The following SUGCT variants were observed in gnomAD, a reference collection of about 807,000 sequenced individuals.
The protein encoded by SUGCT is succinyl-CoA:glutarate-CoA transferase, also known as succinyl-CoA:glutarate CoA-transferase.
A neutral mutation model predicts 55.0 loss-of-function variants in SUGCT; 41 were observed. The observed-to-expected ratio is 0.74, with a 90% CI of 0.58 to 0.97. The LOEUF (loss-of-function observed/expected upper bound fraction) is 0.97. SUGCT is among the 50% of genes least tolerant of loss of function. The pLI, the probability that SUGCT is intolerant of heterozygous loss-of-function variation, is 0.00. For missense variants in SUGCT, 568 were observed against 547.8 expected (o/e 1.04, Z -0.37); for synonymous variants, 187 against 200.4 (o/e 0.93, Z 0.56).
intron 6 of SUGCT, among the ~76,000 whole-genome samples, chr7:40,200,384 T>G (rs1392984382): frequency 1.3e-5 from 2 of 152,052 alleles, no homozygotes; most frequent in African/African-American, 4.8e-5. Flanking sequence ...TGGTGGAGAT[T>G]AACAGAGGAG....
At chr7:40,865,151 C>G (rs1046749411), downstream of SUGCT, among the ~76,000 whole-genome samples, 3 of 151,864 alleles carry the variant, frequency 2.0e-5, no homozygotes, top group African/African-American at 7.3e-5. Flanking sequence ...CCAACCCCCC[C>G]TCCTCCTCTC....
chr7:40,390,815 C>T (rs1785384741), intron 9 of SUGCT, among the ~76,000 whole-genome samples: 1 of 152,084 alleles, frequency 6.6e-6, no homozygotes, highest in South Asian at 2.1e-4. Flanking sequence ...AAAAAGAGCC[C>T]ACATTGCCAA....
At chr7:40,497,835 G>A (rs922020889) in intron 12 of SUGCT, among the ~76,000 whole-genome samples, 7 of 151,718 alleles carry the variant, frequency 4.6e-5, no homozygotes, top group Non-Finnish European at 1.0e-4. Flanking sequence ...AGGCACCAAA[G>A]CAAAGAGTTA....
chr7:40,454,477 T>C (rs191134928), intron 10 of SUGCT, among the ~76,000 whole-genome samples: 96 of 152,298 alleles, frequency 6.3e-4, no homozygotes, highest in African/African-American at 2.2e-3. Flanking sequence ...TATAGCCTGC[T>C]ACACACATAG....
In SUGCT at chr7:40,749,944, A is replaced by G. The variant is rs995053937; in HGVS notation, c.1153+447A>G. Among the ~76,000 whole-genome samples, 4 of 152,198 alleles carry G rather than the reference A, an allele frequency of 2.6e-5. No homozygotes were observed. The South Asian group carries it at 6.2e-4, about 24-fold the overall frequency. On this transcript the variant is annotated intron_variant, in intron 13 of 13. Transcript: ENST00000335693. ...CATTTTCTTTCAGAACCGTGGTTTA[A>G]GGTGTGGATCTTGGCTTTACAGAAC...
chr7:40,269,580 C>T (rs1313872157), intron 7 of SUGCT, among the ~76,000 whole-genome samples: 1 of 152,152 alleles, frequency 6.6e-6, no homozygotes, highest in Non-Finnish European at 1.5e-5. Context: ...GCTTCAGCCT[C>T]CCAAAGTGCT....
chr7:40,189,641 AG>A (rs1204036292), intron 5 of SUGCT, 47 bp downstream of exon 5: 3 of 1,094,936 alleles, frequency 2.7e-6, no homozygotes, highest in Non-Finnish European at 3.8e-6. Context: ...GGTTATAATT[AG>A]GGTTTGGAAT....
intron 9 of SUGCT, among the ~76,000 whole-genome samples, chr7:40,399,453 T>G (rs1484118267): frequency 6.6e-6 from 1 of 152,176 alleles, no homozygotes; most frequent in Non-Finnish European, 1.5e-5. Flanking sequence ...ATAGAACTAC[T>G]CTCAAACCAG....
intron 12 of SUGCT, among the ~76,000 whole-genome samples, chr7:40,549,027 A>C (rs1795161102): frequency 6.6e-6 from 1 of 152,116 alleles, no homozygotes; most frequent in African/African-American, 2.4e-5. Context: ...TCTATATTCA[A>C]GTGGGCATAC....
chr7:40,165,985 G>A (rs1330786325), intron 1 of SUGCT, among the ~76,000 whole-genome samples: 1 of 152,164 alleles, frequency 6.6e-6, no homozygotes, highest in Admixed American at 6.6e-5. Context: ...TGCTGGATGT[G>A]GTGGCACACG....
the SUGCT span, among the ~76,000 whole-genome samples, chr7:41,030,404 C>T: frequency 2.0e-5 from 3 of 152,090 alleles, no homozygotes; most frequent in Non-Finnish European, 4.4e-5. Flanking sequence ...GTTCATTTAA[C>T]CCTTCTGATT....
At chr7:40,603,720 A>G (rs1040658417) in intron 12 of SUGCT, among the ~76,000 whole-genome samples, 10 of 152,122 alleles carry the variant, frequency 6.6e-5, no homozygotes, top group African/African-American at 2.2e-4. Context: ...CTTATTTGGT[A>G]TGTCCTGCTT....
chr7:40,859,082 GA>G (rs201150719), intron 13 of SUGCT, among the ~76,000 whole-genome samples: 2 of 151,194 alleles, frequency 1.3e-5, no homozygotes, highest in East Asian at 1.9e-4. Flanking sequence ...GAGAAAGCCA[GA>G]AAAAAAAATT....
chr7:40,560,537 C>T (rs1795781961), intron 12 of SUGCT, among the ~76,000 whole-genome samples: 1 of 152,160 alleles, frequency 6.6e-6, no homozygotes, highest in Admixed American at 6.5e-5. Context: ...ACTTCTGGAA[C>T]ATCTTTTAGG....
intron 12 of SUGCT, among the ~76,000 whole-genome samples, chr7:40,556,655 C>A (rs1021427179): frequency 1.3e-5 from 2 of 152,192 alleles, no homozygotes; most frequent in Admixed American, 1.3e-4. Flanking sequence ...ACTTAGTGGC[C>A]ATGTGACTTT....
chr7:41,000,842 A>C, the SUGCT span, among the ~76,000 whole-genome samples: 1 of 152,288 alleles, frequency 6.6e-6, no homozygotes, highest in South Asian at 2.1e-4. Context: ...GAGGCACAAC[A>C]TATTTTTAAG....
chr7:40,142,753 A>G (rs1455270924), intron 1 of SUGCT, among the ~76,000 whole-genome samples: 2 of 152,202 alleles, frequency 1.3e-5, no homozygotes, highest in Non-Finnish European at 2.9e-5. Context: ...AAGGTACAAC[A>G]TTTGTGTTTT....
At chr7:40,291,544 T>C (rs1309369673) in intron 8 of SUGCT, among the ~76,000 whole-genome samples, 7 of 147,852 alleles carry the variant, frequency 4.7e-5, no homozygotes, top group East Asian at 4.2e-4. Context: ...TTAGGAGATA[T>C]ACCTAATGTT....
intron 12 of SUGCT, among the ~76,000 whole-genome samples, chr7:40,572,671 C>T (rs1324073371): frequency 4.6e-5 from 7 of 152,166 alleles, no homozygotes; most frequent in Admixed American, 4.6e-4. Flanking sequence ...TGATTTTAAT[C>T]TCATATTATC....
Sources: gnomAD v4.1 joint callset for allele counts (sites outside exome capture counted in the v4.1 genomes callset) on GRCh38, gnomAD v4.1.1 for gene constraint, MANE v1.5 for transcripts, NCBI Gene and HGNC (gene_info 2026-07-23, HGNC 2026-07-21) for gene names.